PRRT4: variants seen among roughly 807,000 people sequenced by gnomAD.
The protein encoded by PRRT4 is proline-rich transmembrane protein 4.
Under a neutral mutation model 55.6 loss-of-function variants are expected in PRRT4, and 59 were observed. The ratio of observed to expected loss-of-function variants is 1.06; its 90% CI spans 0.86 to 1.32. PRRT4 has a LOEUF of 1.32. Among genes scored for constraint, PRRT4 ranks in the 40% most tolerant of loss-of-function variants. The pLI, the probability that PRRT4 is intolerant of heterozygous loss-of-function variation, is 0.00. For synonymous variants in PRRT4, 606 were observed against 601.8 expected, an observed-to-expected ratio of 1.01 and a Z score of -0.10; for missense variants, 1,217 against 1,222.0, an observed-to-expected ratio of 1.00 and a Z score of 0.06.
downstream of PRRT4, chr7:128,350,633 G>T: frequency 1.5e-6 from 1 of 659,684 alleles, no homozygotes; most frequent in Middle Eastern, 4.2e-4. Context: ...ACCTAGATTT[G>T]CAGCTGAGGG....
Position 128,351,074 on chromosome 7 carries a change from AGCGCG to A in PRRT4, c.2477_2481del (p.Pro826LeufsTer41). On this transcript the variant is annotated frameshift_variant, in exon 5 of 5. Transcript: ENST00000535159. LOFTEE classifies it high-confidence loss of function. ...GGACTGAGGACGCAGACCAGAGGGC[AGCGCG>A]GGGGCCTGTCGGGGCTGGAACACAG... 1 of 1,549,210 alleles carries A rather than the reference AGCGCG, an allele frequency of 6.5e-7. No homozygotes were observed. Among genetic ancestry groups the A allele is most frequent in the Non-Finnish European group, 8.7e-7 (1 of 1,146,782 alleles).
At chr7:128,360,951 C>T (rs1443059728) in intron 1 of PRRT4, among the ~76,000 whole-genome samples, 3 of 151,876 alleles carry the variant, frequency 2.0e-5, no homozygotes, top group South Asian at 2.1e-4. Flanking sequence ...GACACACTCA[C>T]CCGTCACATA....
rs1797171889 is a variant in PRRT4, at chr7:128,358,865, G to A, written c.758-65C>T. The stretch of plus-strand genomic sequence containing the variant: ...AACCAGCCTTGCCTCTGGGAGTTTG[G>A]AGAAAATTATGTCCTTCCCCAGAGT... On this transcript the variant is annotated intron_variant, in intron 3 of 4. Coordinates refer to ENST00000535159, the Ensembl canonical transcript of PRRT4. This position sits in a 1 kb window ranked among gnomAD's most constrained non-coding sequence, Gnocchi z 4.4. 1.4e-6 allele frequency: 2 copies of A among 1,474,242 alleles called. No homozygotes were observed. Among genetic ancestry groups the A allele is most frequent in the South Asian group, 2.8e-5 (2 of 70,194 alleles). 91.3% of individuals were successfully genotyped at this position (1,474,242 alleles called of 1,614,324 possible).
chr7:128,360,150 A>G, intron 1 of PRRT4, 87 bp from the exon 3 acceptor site: 1 of 516,254 alleles, frequency 1.9e-6, no homozygotes, highest in Non-Finnish European at 3.0e-6. Flanking sequence ...GAGGCTTCTG[A>G]TCTCAGAGAA....
chr7:128,351,586 G>A (rs1796971836), exon 5 of PRRT4: 1 of 1,503,966 alleles, frequency 6.6e-7, no homozygotes, highest in Non-Finnish European at 8.8e-7. Flanking sequence ...CTTGTCTGGG[G>A]GCCCAGTGAC....
At position 128,351,798 on chromosome 7, in the gene PRRT4, GC is replaced by G; in HGVS notation, c.1757del (p.Gly586AlafsTer17). On this transcript the variant is annotated frameshift_variant, in exon 5 of 5. Transcript: ENST00000535159. LOFTEE classifies it high-confidence loss of function. Reference sequence around the variant, plus strand: ...AGGGCCCTTCCAGGCCGGATTGGCCGCCGTAGCCCAGGGCGTGCAGCACCTC... The same window carrying G: ...AGGGCCCTTCCAGGCCGGATTGGCCGCGTAGCCCAGGGCGTGCAGCACCTC... 1 of 1,419,484 alleles carries G rather than the reference GC, an allele frequency of 7.0e-7. No individual in the cohort carries two copies. Among genetic ancestry groups the G allele is most frequent in the Non-Finnish European group, 9.1e-7 (1 of 1,096,804 alleles). 87.9% of individuals were successfully genotyped at this position (1,419,484 alleles called of 1,614,324 possible). A position where few individuals can be genotyped will look rare whatever the true frequency, so the allele number is the denominator to read the frequency against.
intron 2 of PRRT4, 40 bp downstream of exon 3, chr7:128,359,300 G>T (rs1475446963): frequency 4.6e-6 from 7 of 1,529,064 alleles, no homozygotes; most frequent in Non-Finnish European, 6.2e-6. Context: ...TGCCAGGGGT[G>T]CCCAGCAGGG....
chr7:128,354,685 G>A (rs1234498887), intron 4 of PRRT4, among the ~76,000 whole-genome samples: 1 of 151,988 alleles, frequency 6.6e-6, no homozygotes, highest in Non-Finnish European at 1.5e-5. Context: ...AAGGAGTGAG[G>A]GGGCTGGCAG....
chr7:128,353,034 AT>A, intron 4 of PRRT4, among the ~76,000 whole-genome samples: 1 of 151,968 alleles, frequency 6.6e-6, no homozygotes, highest in East Asian at 1.9e-4. Context: ...CTCCAGTTCA[AT>A]CCCCCCACCA....
At chr7:128,351,324 A>C in exon 5 of PRRT4, 1 of 1,545,862 alleles carries the variant, frequency 6.5e-7, no homozygotes. Context: ...GGAAGAGGCC[A>C]GGCGCAAGCA....
At chr7:128,357,230 ACACACACTCTCTCT>A in intron 4 of PRRT4, among the ~76,000 whole-genome samples, 1 of 121,724 alleles carries the variant, frequency 8.2e-6, no homozygotes, top group African/African-American at 3.3e-5. Flanking sequence ...ACACACACAC[ACACACACTCTCTCT>A]CTCTCTCTCT....
At position 128,358,607 on chromosome 7, in the gene PRRT4, A is replaced by G; in HGVS notation, c.877+74T>C. ...TGACAATGAAATAAAAGGGTCCCAG[A>G]ACACTGATGAGTGACTAGCATGTAG... On this transcript the variant is annotated intron_variant, in intron 4 of 4. Transcript: ENST00000535159. The surrounding 1 kb of genome is among the most constrained non-coding windows in gnomAD (Gnocchi z 4.4). The G allele has an allele frequency of 7.6e-7, 1 of 1,313,764 alleles. No individual in the cohort carries two copies. Among genetic ancestry groups the G allele is most frequent in the Non-Finnish European group, 1.1e-6 (1 of 935,604 alleles). The allele number at this position is 1,313,764 out of a possible 1,614,324, so 81.4% of individuals were successfully genotyped here.
exon 5 of PRRT4, chr7:128,351,243 G>T (rs1374214935): frequency 9.7e-6 from 15 of 1,539,640 alleles, no homozygotes; most frequent in Non-Finnish European, 1.2e-5. Flanking sequence ...CACTGGCCCT[G>T]CCCCCGGTCC....
At chr7:128,359,813 A>T in exon 2 of PRRT4, 1 of 1,522,618 alleles carries the variant, frequency 6.6e-7, no homozygotes, top group Middle Eastern at 1.7e-4. Flanking sequence ...AGGTCCCCGA[A>T]GATGGAATTT....
Position 128,359,930 on chromosome 7 carries a change from A to C in PRRT4, c.62T>G (p.Val21Gly). 6.9e-7 allele frequency: 1 copy of C among 1,454,642 alleles called. No individual in the cohort carries two copies. The highest frequency in any genetic ancestry group is 9.1e-7 in the Non-Finnish European group (1 of 1,098,944). 90.1% of individuals were successfully genotyped at this position (1,454,642 alleles called of 1,614,324 possible). A position where few individuals can be genotyped will look rare whatever the true frequency, so the allele number is the denominator to read the frequency against. The change falls in exon 2 of 5, where the codon GTG becomes GGG. Residue 21 changes from valine to glycine, a missense_variant. Coordinates refer to ENST00000535159, the Ensembl canonical transcript of PRRT4. The stretch of plus-strand genomic sequence containing the variant: ...GATGGAGGGGGTGGGCTGGGGGCCC[A>C]CAGTAGCAGCAAACAGGACGCAGCA...
chr7:128,359,348 C>A, exon 2 of PRRT4: 7 of 1,477,140 alleles, frequency 4.7e-6, no homozygotes, highest in Non-Finnish European at 5.4e-6. Context: ...ACCAAAGGGT[C>A]CCAGGCGCCC....
chr7:128,361,702 C>G (rs1033752101), upstream of PRRT4: 5 of 152,672 alleles, frequency 3.3e-5, no homozygotes, highest in African/African-American at 9.7e-5. Context: ...ACGGCCCTCC[C>G]GTCCGCCCGC....
At chr7:128,353,959 G>A (rs1259578848) in intron 4 of PRRT4, among the ~76,000 whole-genome samples, 1 of 152,194 alleles carries the variant, frequency 6.6e-6, no homozygotes, top group Non-Finnish European at 1.5e-5. Context: ...TTAGACTCAA[G>A]GATTCTCCCC....
At chr7:128,350,882 C>G (rs760468998) in exon 5 of PRRT4, 2 of 1,551,180 alleles carry the variant, frequency 1.3e-6, no homozygotes, top group East Asian at 2.4e-5. Context: ...TCGCTGCCCA[C>G]GCTCAGCTCG....
Sources: gnomAD v4.1 joint callset for allele counts (sites outside exome capture counted in the v4.1 genomes callset) on GRCh38, gnomAD v4.1.1 for gene constraint, Gnocchi (gnomAD v3.1) non-coding constraint, MANE v1.5 for transcripts, NCBI Gene and HGNC (gene_info 2026-07-23, HGNC 2026-07-21) for gene names.